Variants in SPATA13 observed in about 807,000 individuals in gnomAD.
The protein encoded by SPATA13 is spermatogenesis-associated protein 13.
In SPATA13, 50 loss-of-function variants were observed where a neutral mutation model predicts 104.0. The ratio of observed to expected loss-of-function variants is 0.48; its 90% CI spans 0.38 to 0.61. The LOEUF (loss-of-function observed/expected upper bound fraction) is 0.61. Among genes scored for constraint, SPATA13 ranks in the 20% least tolerant of loss-of-function variants. The pLI, the probability that SPATA13 is intolerant of heterozygous loss-of-function variation, is 0.00. For synonymous variants in SPATA13, 606 were observed against 667.5 expected, an observed-to-expected ratio of 0.91 and a Z score of 1.42; for missense variants, 1,524 against 1,690.6, an observed-to-expected ratio of 0.90 and a Z score of 1.73.
At chr13:24,279,703 C>T (rs2138717592) in intron 4 of SPATA13, among the ~76,000 whole-genome samples, 1 of 152,338 alleles carries the variant, frequency 6.6e-6, no homozygotes, top group South Asian at 2.1e-4. Context: ...GCCTGCTTTA[C>T]AGATGGGAAA....
intron 3 of SPATA13, among the ~76,000 whole-genome samples, chr13:24,066,474 T>G (rs1878967566): frequency 6.6e-6 from 1 of 152,190 alleles, no homozygotes; most frequent in African/African-American, 2.4e-5. Context: ...CCTAGGACTC[T>G]TGCCATGGTA....
At chr13:24,294,172 C>T (rs188744960) in intron 9 of SPATA13, among the ~76,000 whole-genome samples, 15 of 152,264 alleles carry the variant, frequency 9.9e-5, no homozygotes, top group Non-Finnish European at 1.9e-4. Context: ...TTTAGCTTGA[C>T]GTGACTGTGG....
rs187904286 is a variant in SPATA13, at chr13:24,038,068, T to C, written c.-112+20367T>C. ...CTGGGATTATAGGCGCCTGCCACCA[T>C]GCCCAGCTAATTTTTTGTATTTTTT... On this transcript the variant is annotated intron_variant, in intron 3 of 14. Transcript: ENST00000424834. Among the ~76,000 whole-genome samples, 1,238 of 151,998 alleles carry C rather than the reference T, an allele frequency of 8.1e-3. 12 individuals carry two copies. The highest frequency in any genetic ancestry group is 0.02 in the South Asian group (97 of 4,802).
intron 2 of SPATA13, among the ~76,000 whole-genome samples, chr13:24,239,489 G>A (rs2138641457): frequency 6.6e-6 from 1 of 152,064 alleles, no homozygotes; most frequent in South Asian, 2.1e-4. Flanking sequence ...GAACCCAGGA[G>A]TTTAAGACCA....
chr13:24,000,912 C>T (rs1478181105), intron 2 of SPATA13, among the ~76,000 whole-genome samples: 2 of 151,960 alleles, frequency 1.3e-5, no homozygotes, highest in Non-Finnish European at 2.9e-5. Context: ...GGGAGATTCC[C>T]TGGGTCAGAG....
At chr13:23,983,015 G>A (rs1256816254) in intron 1 of SPATA13, among the ~76,000 whole-genome samples, 1 of 152,198 alleles carries the variant, frequency 6.6e-6, no homozygotes, top group Non-Finnish European at 1.5e-5. Flanking sequence ...AGCTGGAGAG[G>A]GGCTCCCTGG....
At chr13:24,181,683 G>A (rs1023927581) in intron 1 of SPATA13, among the ~76,000 whole-genome samples, 2 of 151,720 alleles carry the variant, frequency 1.3e-5, no homozygotes, top group African/African-American at 4.8e-5. Context: ...CACGCATAGA[G>A]CTGTCATCTG....
Position 24,245,800 on chromosome 13 carries a change from G to A in SPATA13, c.1654-3677G>A, listed in dbSNP as rs529417817. 2.1e-4 allele frequency among the ~76,000 whole-genome samples: 32 copies of A among 151,722 alleles called. No homozygotes were observed. In the South Asian group the frequency reaches 6.3e-3, roughly 30 times the overall value. Reference sequence around the variant, plus strand: ...GATGAAGTTTCACTGTGTTGCCCACGCTGGTCTTGAATTCCTGGGCTCAAG... The same window carrying A: ...GATGAAGTTTCACTGTGTTGCCCACACTGGTCTTGAATTCCTGGGCTCAAG... On this transcript the variant is annotated intron_variant, in intron 2 of 12. Transcript: ENST00000382108.
At chr13:24,234,813 G>A (rs894726658) in intron 2 of SPATA13, among the ~76,000 whole-genome samples, 3 of 152,152 alleles carry the variant, frequency 2.0e-5, no homozygotes, top group South Asian at 2.1e-4. Flanking sequence ...GGATCCATAT[G>A]GCTGCCAGCC....
chr13:24,224,460 A>G lies in SPATA13; in HGVS notation c.1531A>G (p.Arg511Gly). The part of the protein sequence containing the change: ...SEGRAEEPAQ[R>G]EPGPVSLQDP... ...AGGAAGGGCAGAAGAGCCTGCTCAG[A>G]GAGAGCCAGGGCCTGTGTCCTTGCA... The change falls in exon 2 of 13, where the codon AGA (arginine) becomes GGA (glycine). Residue 511 changes from arginine (R) to glycine (G), a missense_variant. Coordinates refer to ENST00000382108, the MANE Select transcript of SPATA13 (RefSeq NM_001166271.3). The G allele has an allele frequency of 6.4e-7, 1 of 1,551,572 alleles. No homozygotes were observed. The highest frequency in any genetic ancestry group is 8.7e-7 in the Non-Finnish European group (1 of 1,147,002).
At chr13:24,123,075 G>T in intron 3 of SPATA13, 1 of 955,554 alleles carries the variant, frequency 1.0e-6, no homozygotes, top group Non-Finnish European at 1.7e-6. Context: ...TACTGCAATA[G>T]GAGTAAATTC....
intron 1 of SPATA13, among the ~76,000 whole-genome samples, chr13:24,182,857 C>T (rs1593389667): frequency 6.6e-6 from 1 of 152,264 alleles, no homozygotes; most frequent in East Asian, 1.9e-4. Flanking sequence ...CCACATCAGT[C>T]GGGCCAGGTA....
intron 2 of SPATA13, among the ~76,000 whole-genome samples, chr13:24,015,344 C>T (rs1376949395): frequency 6.6e-6 from 1 of 152,194 alleles, no homozygotes; most frequent in Non-Finnish European, 1.5e-5. Context: ...AATAGAGAAC[C>T]TAAGTAAAAG....
chr13:24,006,480 G>A (rs1435930632), intron 2 of SPATA13, among the ~76,000 whole-genome samples: 2 of 152,224 alleles, frequency 1.3e-5, no homozygotes, highest in South Asian at 2.1e-4. Context: ...TGTGATGTGC[G>A]AAAGAACTGA....
chr13:24,297,469 A>G lies in SPATA13; in HGVS notation c.3317A>G (p.His1106Arg), dbSNP rs1463323062. 8.1e-6 allele frequency: 13 copies of G among 1,614,066 alleles called. No homozygotes were observed. Among genetic ancestry groups the G allele is most frequent in the Non-Finnish European group, 8.5e-6 (10 of 1,180,038 alleles). ...SQQRTFFLFD[H>R]QLVSCKKDLL... The stretch of plus-strand genomic sequence containing the variant: ...CAGCGGACGTTCTTCCTGTTTGACC[A>G]CCAGCTGGTGTCCTGCAAGAAGGAC... Residue 1106 changes from histidine to arginine, a missense_variant, in exon 11 of 13, where the codon CAC (histidine) becomes CGC (arginine). Around this residue, in one of 2 missense-constraint regions of SPATA13, gnomAD observed 435 missense variants for 554.8 expected, o/e 0.78. Transcript: ENST00000382108.
At position 24,249,508 on chromosome 13, in the gene SPATA13, C is replaced by G. The variant is rs1435106093; in HGVS notation, c.1685C>G (p.Ser562Ter). 6.3e-7 allele frequency: 1 copy of G among 1,595,850 alleles called. No homozygotes were observed. Among genetic ancestry groups the G allele is most frequent in the Non-Finnish European group, 8.5e-7 (1 of 1,170,938 alleles). The change falls in exon 3 of 13, where the codon TCA (serine) becomes TGA (stop). Residue 562 changes from serine to a stop codon, truncating the protein, a stop_gained. Transcript: ENST00000382108. LOFTEE classifies it high-confidence loss of function. ...VVPDGPWRRS[S>*]SQDEERTEAQ... ...CCTGATGGCCCCTGGAGGCGAAGCTCATCACAGGATGAGGAAAGGACAGAG... is the reference window on the plus strand; with the variant it reads ...CCTGATGGCCCCTGGAGGCGAAGCTGATCACAGGATGAGGAAAGGACAGAG...
rs373205459 is a variant in SPATA13, at chr13:24,233,254, C to CA, written c.1653+8678dup. On this transcript the variant is annotated intron_variant, in intron 2 of 12. Transcript: ENST00000382108. ...TTAAATATAATATTATGTGTGCTTT[C>CA]AAAAAATGTTTTTCTAATGAATTGA... 6.5e-3 allele frequency among the ~76,000 whole-genome samples: 983 copies of CA among 152,148 alleles called. 8 individuals carry two copies. The highest frequency in any genetic ancestry group is 0.023 in the African/African-American group (944 of 41,508).
chr13:23,982,008 T>C (rs552663419), intron 1 of SPATA13, among the ~76,000 whole-genome samples: 5 of 152,266 alleles, frequency 3.3e-5, no homozygotes, highest in African/African-American at 7.2e-5. Flanking sequence ...CAGGGGTTCC[T>C]GGGAAGTAAA....
chr13:24,278,945 CTT>C (rs1566188219), intron 4 of SPATA13: 8 of 803,408 alleles, frequency 1.0e-5, no homozygotes, highest in African/African-American at 6.8e-5. Flanking sequence ...TCCTTCCTTC[CTT>C]CCCTCCTTCC....
Sources: allele counts gnomAD v4.1 joint callset (sites outside exome capture counted in the v4.1 genomes callset), GRCh38; gene constraint gnomAD v4.1.1; regional missense constraint gnomAD v4.1.1; transcripts MANE v1.5; gene names NCBI Gene and HGNC (gene_info 2026-07-23, HGNC 2026-07-21).